Variants in DCLK1 observed in about 807,000 individuals in gnomAD.
The protein encoded by DCLK1 is doublecortin like kinase 1, also known as serine/threonine-protein kinase DCLK1.
Under a neutral mutation model 86.2 loss-of-function variants are expected in DCLK1, and 16 were observed. The observed-to-expected ratio is 0.19, with a 90% CI of 0.13 to 0.28. DCLK1 has a LOEUF of 0.28. DCLK1 is among the 10% of genes least tolerant of loss of function. The probability of loss-of-function intolerance (pLI) is 1.00; values close to 1 mark genes in which losing one functional copy is unlikely to be tolerated. For missense variants in DCLK1, 590 were observed against 940.2 expected (o/e 0.63, Z 4.87); for synonymous variants, 369 against 370.5 (o/e 1.00, Z 0.05).
chr13:36,007,434 G>C (rs1881027855), intron 3 of DCLK1, among the ~76,000 whole-genome samples: 1 of 152,150 alleles, frequency 6.6e-6, no homozygotes, highest in Non-Finnish European at 1.5e-5. Flanking sequence ...CAAAATCTTT[G>C]TCCAAGTCCT....
intron 6 of DCLK1, among the ~76,000 whole-genome samples, chr13:35,845,377 TATC>T (rs1486165251): frequency 2.6e-5 from 4 of 152,182 alleles, no homozygotes; most frequent in Non-Finnish European, 4.4e-5. Context: ...AGTATTTTAT[TATC>T]ATTATTTTAA....
At chr13:35,958,244 C>CACTATA (rs1878223137) in intron 3 of DCLK1, among the ~76,000 whole-genome samples, 1 of 129,824 alleles carries the variant, frequency 7.7e-6, no homozygotes, top group African/African-American at 3.3e-5. Flanking sequence ...CCATCATCAC[C>CACTATA]ACCACCACTA....
At position 35,788,050 on chromosome 13, in the gene DCLK1, G is replaced by C; in HGVS notation, c.2058+5316C>G. Reference sequence around the variant, plus strand: ...AATAATGGGTGAAAAAAAGGAATGAGGGGGTGTGGCATCTCAATCAAGATT... The same window carrying C: ...AATAATGGGTGAAAAAAAGGAATGACGGGGTGTGGCATCTCAATCAAGATT... On this transcript the variant is annotated intron_variant, in intron 16 of 16. Coordinates refer to ENST00000360631, the MANE Select transcript of DCLK1 (RefSeq NM_001330071.2). The C allele has an allele frequency of 1.8e-5, 13 of 703,048 alleles. No homozygotes were observed. In the South Asian group the frequency reaches 2.1e-4, roughly 11 times the overall value. The allele number at this position is 703,048 out of a possible 1,614,324, so 43.6% of individuals were successfully genotyped here.
chr13:36,088,003 T>C (rs1472393263), intron 3 of DCLK1, among the ~76,000 whole-genome samples: 2 of 152,242 alleles, frequency 1.3e-5, no homozygotes, highest in East Asian at 3.9e-4. Flanking sequence ...CAATGTTTTT[T>C]AAAACCATGA....
At chr13:36,088,658 A>G (rs2138130547) in intron 3 of DCLK1, among the ~76,000 whole-genome samples, 1 of 152,358 alleles carries the variant, frequency 6.6e-6, no homozygotes, top group Non-Finnish European at 1.5e-5. Flanking sequence ...TGGCAGTGCC[A>G]GCCAGTGGGT....
chr13:35,958,392 A>G (rs1020513715), intron 3 of DCLK1, among the ~76,000 whole-genome samples: 1 of 147,344 alleles, frequency 6.8e-6, no homozygotes, highest in Non-Finnish European at 1.5e-5. Context: ...CACTACCACC[A>G]GCACCACTAC....
At chr13:35,829,698 G>A (rs9574707) in intron 8 of DCLK1, among the ~76,000 whole-genome samples, 31,685 of 152,140 alleles carry the variant, frequency 0.21, 3,450 homozygotes, top group Admixed American at 0.31. Context: ...ACTGAATTAT[G>A]ATTCTATCTG....
intron 3 of DCLK1, among the ~76,000 whole-genome samples, chr13:36,100,671 C>A (rs1284427144): frequency 6.6e-6 from 1 of 152,104 alleles, no homozygotes; most frequent in African/African-American, 2.4e-5. Flanking sequence ...GGTCGCTGGG[C>A]ATTGTATGGC....
chr13:36,053,343 C>T (rs1334305942), intron 3 of DCLK1, among the ~76,000 whole-genome samples: 1 of 152,072 alleles, frequency 6.6e-6, no homozygotes, highest in Admixed American at 6.6e-5. Flanking sequence ...ATTATCATCA[C>T]AGAGAAAGAC....
intron 4 of DCLK1, among the ~76,000 whole-genome samples, chr13:35,935,968 T>C (rs985222898): frequency 6.6e-6 from 1 of 152,142 alleles, no homozygotes; most frequent in Non-Finnish European, 1.5e-5. Context: ...GCCATTAAAG[T>C]AGATGAACTT....
intron 4 of DCLK1, among the ~76,000 whole-genome samples, chr13:35,941,342 A>T (rs1372047587): frequency 6.6e-6 from 1 of 152,226 alleles, no homozygotes; most frequent in Non-Finnish European, 1.5e-5. Flanking sequence ...TATTTGGGAC[A>T]TGAGTCCCAG....
chr13:35,877,263 C>A (rs1310453984), intron 4 of DCLK1, among the ~76,000 whole-genome samples: 3 of 152,180 alleles, frequency 2.0e-5, no homozygotes, highest in Non-Finnish European at 4.4e-5. Context: ...GGAGGTGGAA[C>A]ATATTCTTTG....
chr13:35,976,840 G>C (rs7492012), intron 3 of DCLK1, among the ~76,000 whole-genome samples: 69,969 of 151,840 alleles, frequency 0.46, 17,360 homozygotes, highest in Admixed American at 0.54. Flanking sequence ...GGCCTTCTCC[G>C]AGGTTTTAAG....
At chr13:36,045,328 GTGTGTATATATATATATATA>G (rs1882849560) in intron 3 of DCLK1, among the ~76,000 whole-genome samples, 1 of 45,238 alleles carries the variant, frequency 2.2e-5, no homozygotes, top group Non-Finnish European at 3.9e-5. Flanking sequence ...ATGTGTGTGT[GTGTGTATATATATATATATA>G]TATATATATA....
chr13:36,091,214 G>C (rs2138137107), intron 3 of DCLK1, among the ~76,000 whole-genome samples: 1 of 152,118 alleles, frequency 6.6e-6, no homozygotes, highest in South Asian at 2.1e-4. Context: ...GTCAATTCTG[G>C]CTTTTGTTGC....
At chr13:35,848,140 T>A (rs1870348299) in intron 6 of DCLK1, 5 of 985,332 alleles carry the variant, frequency 5.1e-6, no homozygotes, top group Non-Finnish European at 4.8e-6. Flanking sequence ...TTAAGGATTA[T>A]CATTAGGACA....
At chr13:36,051,927 A>G (rs1217524525) in intron 3 of DCLK1, among the ~76,000 whole-genome samples, 1 of 152,156 alleles carries the variant, frequency 6.6e-6, no homozygotes, top group Admixed American at 6.6e-5. Context: ...TGTTCAGAAA[A>G]AGGCCCTATG....
chr13:36,092,357 G>T (rs952229597), intron 3 of DCLK1, among the ~76,000 whole-genome samples: 1 of 152,074 alleles, frequency 6.6e-6, no homozygotes, highest in South Asian at 2.1e-4. Flanking sequence ...GCTTAACACA[G>T]TTCCTAGCAC....
At chr13:35,940,905 C>T (rs543202023) in intron 4 of DCLK1, among the ~76,000 whole-genome samples, 2 of 152,320 alleles carry the variant, frequency 1.3e-5, no homozygotes, top group South Asian at 2.1e-4. Context: ...CAGCTGCAAT[C>T]CACTAGGAGG....
Sources: allele counts gnomAD v4.1 joint callset (sites outside exome capture counted in the v4.1 genomes callset), GRCh38; gene constraint gnomAD v4.1.1; transcripts MANE v1.5; gene names NCBI Gene and HGNC (gene_info 2026-07-23, HGNC 2026-07-21).